The following CPAMD8 variants were observed in gnomAD, a reference collection of about 807,000 sequenced individuals.
The protein encoded by CPAMD8 is C3 and PZP like alpha-2-macroglobulin domain containing 8.
A neutral mutation model predicts 224.7 loss-of-function variants in CPAMD8; 146 were observed. That is an observed-to-expected ratio of 0.65 (90% CI 0.57 to 0.75). The LOEUF (loss-of-function observed/expected upper bound fraction) is 0.75, where lower values mean the gene tolerates loss of function less well. CPAMD8 is among the 30% of genes least tolerant of loss of function. CPAMD8 has a pLI of 0.00. For missense variants in CPAMD8, 2,301 were observed against 2,537.5 expected (o/e 0.91, Z 2.00); for synonymous variants, 966 against 1,044.6 (o/e 0.92, Z 1.45).
At chr19:16,895,971 C>T in intron 41 of CPAMD8, 2 of 698,772 alleles carry the variant, frequency 2.9e-6, no homozygotes, top group Non-Finnish European at 5.2e-6. Flanking sequence ...GTGGGTGTTG[C>T]GTGGGCCAGG....
intron 29 of CPAMD8, among the ~76,000 whole-genome samples, chr19:16,908,409 C>T (rs2052605011): frequency 6.6e-6 from 1 of 151,980 alleles, no homozygotes; most frequent in Non-Finnish European, 1.5e-5. Context: ...CCTAAGACCT[C>T]CACAGCCCAG....
intron 5 of CPAMD8, among the ~76,000 whole-genome samples, chr19:17,010,239 T>A (rs1371111726): frequency 6.6e-6 from 1 of 152,040 alleles, no homozygotes; most frequent in Non-Finnish European, 1.5e-5. Flanking sequence ...TTTTTGGTTT[T>A]TCGTTTTTTG....
intron 23 of CPAMD8, 90 bp downstream of exon 23, chr19:16,938,305 A>G: frequency 1.6e-6 from 1 of 634,614 alleles, no homozygotes; most frequent in South Asian, 2.3e-5. Context: ...TTGCAGCGGG[A>G]CAGCCCCCAC....
At position 16,896,439 on chromosome 19, in the gene CPAMD8, G is replaced by T. The variant is rs961615305; in HGVS notation, c.5275+17C>A. On this transcript the variant is annotated intron_variant, in intron 40 of 41. Coordinates refer to ENST00000443236, the MANE Select transcript of CPAMD8 (RefSeq NM_015692.5). ...GCGATGGTGTCCCCGAGGCTAGGCG[G>T]GGGGTAGGGTCCTCACCGAGGGCGC... The T allele has an allele frequency of 1.8e-5, 27 of 1,464,680 alleles. No individual in the cohort carries two copies. Among genetic ancestry groups the T allele is most frequent in the South Asian group, 2.8e-5 (2 of 72,390 alleles). 90.7% of individuals were successfully genotyped at this position (1,464,680 alleles called of 1,614,324 possible). A position where few individuals can be genotyped will look rare whatever the true frequency, so the allele number is the denominator to read the frequency against.
rs191998364 is a variant in CPAMD8, at chr19:17,009,760, C to T, written c.487-440G>A. On this transcript the variant is annotated intron_variant, in intron 5 of 41. Coordinates refer to ENST00000443236, the MANE Select transcript of CPAMD8 (RefSeq NM_015692.5). ...CTGCACTCCAGCCTGGGTGACACAG[C>T]GAGACTCCGTCTCAAAAAAAAAAAA... Among the ~76,000 whole-genome samples the T allele has an allele frequency of 8.3e-4, 124 of 150,266 alleles. 1 individual carries two copies. Among genetic ancestry groups the T allele is most frequent in the African/African-American group, 2.9e-3 (117 of 40,620 alleles).
At chr19:16,916,663 CA>C (rs1358807169) in intron 27 of CPAMD8, among the ~76,000 whole-genome samples, 4 of 151,908 alleles carry the variant, frequency 2.6e-5, no homozygotes, top group Non-Finnish European at 5.9e-5. Flanking sequence ...TGCTTGACCT[CA>C]GGAGGCGGAG....
intron 12 of CPAMD8, among the ~76,000 whole-genome samples, chr19:16,990,108 G>T (rs915185294): frequency 6.6e-6 from 1 of 151,924 alleles, no homozygotes; most frequent in African/African-American, 2.4e-5. Context: ...ACAAAAATTA[G>T]CCAGGAGTAG....
chr19:16,921,939 C>T lies in CPAMD8; in HGVS notation c.3595G>A (p.Ala1199Thr), dbSNP rs1413815827. ...TYKRQDGSYS[A>T]FGERDASGSM... ...CCCGATGCGTCCCGCTCCCCAAACG[C>T]GCTGTAGGAGCCATCCTGGCGCTTG... is the stretch of plus-strand genomic sequence containing the variant. The change falls in exon 27 of 42, where the codon GCG (alanine) becomes ACG (threonine). Residue 1199 changes from alanine to threonine, a missense_variant. By Grantham distance (58) the Ala-to-Thr change is moderately conservative (BLOSUM62 0). Transcript: ENST00000443236. 2.1e-5 allele frequency: 32 copies of T among 1,547,408 alleles called. No homozygotes were observed. Among genetic ancestry groups the T allele is most frequent in the Middle Eastern group, 1.7e-4 (1 of 5,994 alleles).
intron 35 of CPAMD8, 110 bp from the exon 36 acceptor site, chr19:16,901,407 C>T (rs1168022916): frequency 4.0e-6 from 3 of 758,218 alleles, no homozygotes; most frequent in Admixed American, 2.5e-5. Flanking sequence ...GGAAGCCTGC[C>T]CTGGGGCCTG....
intron 35 of CPAMD8, 145 bp downstream of exon 35, chr19:16,902,504 G>A (rs1361520754): frequency 1.5e-5 from 9 of 601,718 alleles, no homozygotes; most frequent in Non-Finnish European, 2.7e-5. Flanking sequence ...GCGACAGGGT[G>A]AGACTCTGTC....
In CPAMD8 at chr19:16,928,812, C is replaced by T. The variant is rs73525435; in HGVS notation, c.3144+130G>A. Reference sequence around the variant, plus strand: ...GTAAGCGACTCTAGACTAAGAACAACTTGAGGTGGTGCTCCATGTTTCCCT... The same window carrying T: ...GTAAGCGACTCTAGACTAAGAACAATTTGAGGTGGTGCTCCATGTTTCCCT... On this transcript the variant is annotated intron_variant, in intron 24 of 41. Coordinates refer to ENST00000443236, the MANE Select transcript of CPAMD8 (RefSeq NM_015692.5). 1.6e-3 allele frequency: 1,010 copies of T among 645,700 alleles called. 14 individuals are homozygous for T. In the African/African-American group the frequency reaches 0.017, roughly 11 times the overall value. 40.0% of individuals were successfully genotyped at this position (645,700 alleles called of 1,614,324 possible).
At position 16,896,345 on chromosome 19, in the gene CPAMD8, C is replaced by G. The variant is rs1303104112; in HGVS notation, c.5276-19G>C. On this transcript the variant is annotated intron_variant, in intron 40 of 41. Coordinates refer to ENST00000443236, the MANE Select transcript of CPAMD8 (RefSeq NM_015692.5). ...CGCTGCTCTGGAAGGAAGGGGGCCT[C>G]GGTCGGGAGGGCGTGGCGGGGAGGG... The G allele has an allele frequency of 6.3e-7, 1 of 1,587,382 alleles. No individual in the cohort carries two copies. Among genetic ancestry groups the G allele is most frequent in the Non-Finnish European group, 8.6e-7 (1 of 1,166,328 alleles).
At chr19:16,905,115 C>A (rs1053292071) in intron 30 of CPAMD8, among the ~76,000 whole-genome samples, 11 of 151,850 alleles carry the variant, frequency 7.2e-5, no homozygotes, top group Admixed American at 2.6e-4. Context: ...GTGGTGCACA[C>A]CTGTAATCCT....
Position 16,975,686 on chromosome 19 carries a change from C to A in CPAMD8, c.1908+316G>T, listed in dbSNP as rs138220703. On this transcript the variant is annotated intron_variant, in intron 16 of 41. Coordinates refer to ENST00000443236, the MANE Select transcript of CPAMD8 (RefSeq NM_015692.5). ...TCACGCCACTGCACTCCAGCCCAGG[C>A]AACAGAGCAACATCCCAACTCTAAA... Among the ~76,000 whole-genome samples the A allele has an allele frequency of 2.6e-3, 397 of 152,160 alleles. 3 individuals carry two copies. Among genetic ancestry groups the A allele is most frequent in the African/African-American group, 9.2e-3 (380 of 41,496 alleles).
At position 16,997,241 on chromosome 19, in the gene CPAMD8, A is replaced by T; in HGVS notation, c.965T>A (p.Val322Glu). The part of the protein sequence containing the change: ...FRGRVSIWAM[V>E]TSVDGSQQVA... ...CTGCTGGCTCCCGTCCACACTGGTCACCATGGCCCAGATGCTGACCCTGCC... is the reference window on the plus strand; with the variant it reads ...CTGCTGGCTCCCGTCCACACTGGTCTCCATGGCCCAGATGCTGACCCTGCC... The change falls in exon 11 of 42, where the codon GTG becomes GAG. Residue 322 changes from valine (V) to glutamate (E), a missense_variant. Val to Glu is a moderately radical substitution (Grantham distance 121, BLOSUM62 -2). This residue lies in a region of CPAMD8 where 301 missense variants were observed against 406.6 expected (regional missense o/e 0.74). Transcript: ENST00000443236. 1 of 1,555,238 alleles carries T rather than the reference A, an allele frequency of 6.4e-7. No individual in the cohort carries two copies. The highest frequency in any genetic ancestry group is 8.9e-7 in the Non-Finnish European group (1 of 1,127,716).
intron 8 of CPAMD8, among the ~76,000 whole-genome samples, chr19:17,003,118 G>A (rs2056384983): frequency 1.3e-5 from 2 of 151,594 alleles, no homozygotes; most frequent in Admixed American, 6.6e-5. Context: ...GGCCAGCCTG[G>A]TCTTGAACTC....
chr19:17,026,224 A>G (rs2057077890), intron 1 of CPAMD8, among the ~76,000 whole-genome samples: 1 of 152,142 alleles, frequency 6.6e-6, no homozygotes, highest in African/African-American at 2.4e-5. Context: ...CCCACTTCTC[A>G]GCCAAGACGC....
intron 27 of CPAMD8, among the ~76,000 whole-genome samples, chr19:16,918,747 CTT>C (rs3029467): frequency 0.014 from 1,806 of 127,358 alleles, 29 homozygotes; most frequent in East Asian, 0.047. Flanking sequence ...CACACCCAGA[CTT>C]TTTTTTTTTT....
chr19:16,911,779 T>A (rs556651339), intron 29 of CPAMD8, among the ~76,000 whole-genome samples: 1 of 152,064 alleles, frequency 6.6e-6, no homozygotes, highest in African/African-American at 2.4e-5. Context: ...TCTCCTGACC[T>A]TGTGATCCAC....
Sources: allele counts gnomAD v4.1 joint callset (sites outside exome capture counted in the v4.1 genomes callset), GRCh38; gene constraint gnomAD v4.1.1; regional missense constraint gnomAD v4.1.1; transcripts MANE v1.5; gene names NCBI Gene and HGNC (gene_info 2026-07-23, HGNC 2026-07-21).